STK32B: variants seen among roughly 807,000 people sequenced by gnomAD.
The protein encoded by STK32B is serine/threonine kinase 32B, also known as serine/threonine-protein kinase 32B.
STK32B carries 43 observed loss-of-function variants against 52.6 expected under a neutral mutation model. The ratio of observed to expected loss-of-function variants is 0.82; its 90% CI spans 0.64 to 1.05. The LOEUF (loss-of-function observed/expected upper bound fraction) is 1.05. Among genes scored for constraint, STK32B ranks in the 50% least tolerant of loss-of-function variants. STK32B has a pLI of 0.00. For missense variants in STK32B, 621 were observed against 534.6 expected, an observed-to-expected ratio of 1.16 and a Z score of -1.59; for synonymous variants, 238 against 204.3, an observed-to-expected ratio of 1.17 and a Z score of -1.41.
At position 5,372,652 on chromosome 4, in the gene STK32B, C is replaced by T. The variant is rs566556336; in HGVS notation, c.435-25555C>T. The stretch of plus-strand genomic sequence containing the variant: ...TGGACTATTTAATAAAATTTCAGCT[C>T]TACCTGTATCATTACAGTAATAACT... On this transcript the variant is annotated intron_variant, in intron 4 of 11. Transcript: ENST00000282908. Among the ~76,000 whole-genome samples, 255 of 151,328 alleles carry T rather than the reference C, an allele frequency of 1.7e-3. 1 individual carries two copies. The highest frequency in any genetic ancestry group is 5.1e-3 in the African/African-American group (208 of 41,080).
At chr4:5,228,464 A>T (rs114877416) in intron 3 of STK32B, among the ~76,000 whole-genome samples, 1 of 152,332 alleles carries the variant, frequency 6.6e-6, no homozygotes, top group Admixed American at 6.5e-5. Context: ...TGCAATGGAT[A>T]GCTTATCCTG....
chr4:5,134,954 G>C (rs767682014), intron 1 of STK32B, among the ~76,000 whole-genome samples: 2 of 152,212 alleles, frequency 1.3e-5, no homozygotes, highest in African/African-American at 4.8e-5. Context: ...TGTTGAAAGC[G>C]TGCTATGAAA....
the STK32B span, among the ~76,000 whole-genome samples, chr4:5,031,130 A>G: frequency 6.6e-6 from 1 of 152,160 alleles, no homozygotes; most frequent in Non-Finnish European, 1.5e-5. Flanking sequence ...TGAGCCTTCA[A>G]CTGATTGGAC....
At chr4:5,497,016 G>A (rs1296888133) in intron 11 of STK32B, among the ~76,000 whole-genome samples, 1 of 152,064 alleles carries the variant, frequency 6.6e-6, no homozygotes, top group African/African-American at 2.4e-5. Context: ...GTTTTAAGAT[G>A]GTATATTGTA....
At chr4:5,407,771 A>C (rs1737775502) in intron 5 of STK32B, among the ~76,000 whole-genome samples, 1 of 152,152 alleles carries the variant, frequency 6.6e-6, no homozygotes, top group Admixed American at 6.5e-5. Context: ...ACCTCCCACC[A>C]GGTCCCTCTT....
At chr4:5,146,095 G>T (rs1300015129) in intron 2 of STK32B, among the ~76,000 whole-genome samples, 5 of 147,702 alleles carry the variant, frequency 3.4e-5, no homozygotes, top group African/African-American at 9.9e-5. Flanking sequence ...TCTTGAAAAT[G>T]ATTTCTTTTG....
intron 11 of STK32B, among the ~76,000 whole-genome samples, chr4:5,485,013 C>T (rs1480382583): frequency 6.6e-6 from 1 of 151,992 alleles, no homozygotes; most frequent in Non-Finnish European, 1.5e-5. Context: ...TCTCTGGCTG[C>T]CCTTCCCATT....
chr4:5,473,296 T>A (rs1717983933), intron 11 of STK32B, among the ~76,000 whole-genome samples: 1 of 152,210 alleles, frequency 6.6e-6, no homozygotes, highest in Admixed American at 6.5e-5. Context: ...GCACGAGCTT[T>A]CAGACGTGCA....
intron 4 of STK32B, among the ~76,000 whole-genome samples, chr4:5,336,403 A>C (rs1421946282): frequency 6.6e-6 from 1 of 152,118 alleles, no homozygotes; most frequent in Non-Finnish European, 1.5e-5. Context: ...CATCCAGGGA[A>C]ATCTTCTAAC....
At chr4:5,292,378 A>G (rs1452353592) in intron 3 of STK32B, among the ~76,000 whole-genome samples, 1 of 151,964 alleles carries the variant, frequency 6.6e-6, no homozygotes, top group Non-Finnish European at 1.5e-5. Context: ...TTCAGTTTGC[A>G]TTTCTCTGAT....
At chr4:5,229,906 A>G (rs886837710) in intron 3 of STK32B, among the ~76,000 whole-genome samples, 1 of 152,166 alleles carries the variant, frequency 6.6e-6, no homozygotes, top group African/African-American at 2.4e-5. Context: ...GAAGATGGCT[A>G]ATAAGGACAC....
intron 3 of STK32B, among the ~76,000 whole-genome samples, chr4:5,196,188 G>T (rs1242452589): frequency 1.3e-5 from 2 of 152,162 alleles, no homozygotes; most frequent in Non-Finnish European, 2.9e-5. Context: ...AGGCACCTGG[G>T]ATCGTCTCAT....
chr4:5,108,202 T>C (rs1266477033), intron 1 of STK32B, among the ~76,000 whole-genome samples: 2 of 152,234 alleles, frequency 1.3e-5, no homozygotes, highest in African/African-American at 2.4e-5. Flanking sequence ...ATTCACATAG[T>C]TGTAAATTAT....
At chr4:5,158,708 G>A (rs544724350) in intron 2 of STK32B, among the ~76,000 whole-genome samples, 9 of 152,220 alleles carry the variant, frequency 5.9e-5, no homozygotes, top group Non-Finnish European at 1.0e-4. Flanking sequence ...TTCCGAGGCC[G>A]CTTTCCTTGG....
intron 6 of STK32B, among the ~76,000 whole-genome samples, chr4:5,419,296 T>C (rs1296002058): frequency 6.6e-6 from 1 of 152,228 alleles, no homozygotes; most frequent in Non-Finnish European, 1.5e-5. Flanking sequence ...GGCTTTGTTC[T>C]CCTCTCCCAT....
chr4:5,367,202 C>G (rs967113948), intron 4 of STK32B, among the ~76,000 whole-genome samples: 1 of 152,156 alleles, frequency 6.6e-6, no homozygotes, highest in Admixed American at 6.5e-5. Flanking sequence ...TGAAGTTGCT[C>G]TTGTCACCGT....
intron 4 of STK32B, among the ~76,000 whole-genome samples, chr4:5,365,477 T>C (rs975450117): frequency 1.3e-5 from 2 of 152,210 alleles, no homozygotes; most frequent in Admixed American, 6.5e-5. Context: ...ATAACCTCTT[T>C]TTATTCTTAT....
intron 1 of STK32B, among the ~76,000 whole-genome samples, chr4:5,057,115 C>T (rs1435378921): frequency 1.3e-5 from 2 of 152,194 alleles, no homozygotes; most frequent in Non-Finnish European, 2.9e-5. Context: ...CATAGAGCGG[C>T]CATTTGTTGA....
At chr4:5,434,036 C>T (rs1713816664) in intron 6 of STK32B, among the ~76,000 whole-genome samples, 1 of 152,198 alleles carries the variant, frequency 6.6e-6, no homozygotes, top group African/African-American at 2.4e-5. Context: ...CGGAATTGCT[C>T]AACCACTGGT....
Sources: gnomAD v4.1 joint callset for allele counts (sites outside exome capture counted in the v4.1 genomes callset) on GRCh38, gnomAD v4.1.1 for gene constraint, MANE v1.5 for transcripts, NCBI Gene and HGNC (gene_info 2026-07-23, HGNC 2026-07-21) for gene names.